The following CSMD1 variants were observed in gnomAD, a reference collection of about 807,000 sequenced individuals.
CSMD1 encodes the protein CUB and Sushi multiple domains 1.
CSMD1 carries 213 observed loss-of-function variants against 417.5 expected under a neutral mutation model. That is an observed-to-expected ratio of 0.51 (90% CI 0.46 to 0.57). CSMD1 has a LOEUF of 0.57. Among genes scored for constraint, CSMD1 ranks in the 20% least tolerant of loss-of-function variants. The probability of loss-of-function intolerance (pLI) is 0.00; values close to 1 mark genes in which losing one functional copy is unlikely to be tolerated. For missense variants in CSMD1, 6,923 were observed against 4,529.7 expected (o/e 1.53, Z -15.17); for synonymous variants, 2,862 against 1,736.8 (o/e 1.65, Z -16.11).
chr8:4,713,412 T>TTGTTG (rs2116873897), intron 1 of CSMD1, among the ~76,000 whole-genome samples: 1 of 151,662 alleles, frequency 6.6e-6, no homozygotes, highest in South Asian at 2.1e-4. Context: ...TTGTTTTGTT[T>TTGTTG]TGTTTTTGAG....
intron 3 of CSMD1, among the ~76,000 whole-genome samples, chr8:4,163,326 G>C (rs777419444): frequency 6.6e-6 from 1 of 152,124 alleles, no homozygotes. Context: ...TTCCAAAGTG[G>C]CTGTTCCATT....
intron 5 of CSMD1, among the ~76,000 whole-genome samples, chr8:3,821,040 C>T (rs1365810855): frequency 1.3e-5 from 2 of 152,008 alleles, no homozygotes; most frequent in Non-Finnish European, 2.9e-5. Context: ...CCTCAGCCTC[C>T]CCAGTAGCTG....
chr8:3,576,132 C>T (rs79358510), intron 9 of CSMD1, among the ~76,000 whole-genome samples: 3,346 of 152,140 alleles, frequency 0.022, 132 homozygotes, highest in African/African-American at 0.076. Flanking sequence ...TTCTAGCAGA[C>T]TCAGCTACAA....
At chr8:4,081,721 C>T (rs535281135) in intron 3 of CSMD1, among the ~76,000 whole-genome samples, 1 of 152,142 alleles carries the variant, frequency 6.6e-6, no homozygotes, top group Admixed American at 6.5e-5. Flanking sequence ...TTTTCTCTGA[C>T]CAAATTAGGA....
chr8:4,458,628 A>C lies in CSMD1; in HGVS notation c.303-38563T>G, dbSNP rs541377407. Among the ~76,000 whole-genome samples the C allele has an allele frequency of 5.3e-5, 8 of 152,330 alleles. No homozygotes were observed. In the South Asian group the frequency reaches 1.4e-3, roughly 28 times the overall value. The stretch of plus-strand genomic sequence containing the variant: ...AATCATCACCCACACCTCAGCAGCA[A>C]AATCAATGAGAATGTATTTTGTATT... On this transcript the variant is annotated intron_variant, in intron 2 of 69. Coordinates refer to ENST00000635120, the MANE Select transcript of CSMD1 (RefSeq NM_033225.6).
chr8:3,912,521 T>C (rs1181198804), intron 5 of CSMD1, among the ~76,000 whole-genome samples: 1 of 152,154 alleles, frequency 6.6e-6, no homozygotes, highest in Non-Finnish European at 1.5e-5. Context: ...TGGAAATACA[T>C]AACAGAGGGG....
At chr8:4,401,533 C>A (rs1023124739) in intron 3 of CSMD1, among the ~76,000 whole-genome samples, 1 of 152,160 alleles carries the variant, frequency 6.6e-6, no homozygotes, top group African/African-American at 2.4e-5. Flanking sequence ...ACCCTCCCAG[C>A]AGTAGCTCCC....
intron 5 of CSMD1, among the ~76,000 whole-genome samples, chr8:3,771,284 C>A (rs200518614): frequency 6.6e-6 from 1 of 152,092 alleles, no homozygotes; most frequent in Non-Finnish European, 1.5e-5. Context: ...CCAGAGGCTG[C>A]ACCTGCTGGT....
chr8:3,132,741 T>C (rs7825097), intron 41 of CSMD1, among the ~76,000 whole-genome samples: 7,702 of 152,286 alleles, frequency 0.051, 565 homozygotes, highest in African/African-American at 0.17. Context: ...CTATTCACCA[T>C]ATCATTCCTT....
At chr8:4,680,299 G>C (rs2724965) in intron 1 of CSMD1, among the ~76,000 whole-genome samples, 103,336 of 152,026 alleles carry the variant, frequency 0.68, 36,124 homozygotes, top group African/African-American at 0.84. Context: ...AAATTCGACC[G>C]AAAAAGTAAT....
At chr8:3,541,938 C>T (rs967837371) in intron 10 of CSMD1, among the ~76,000 whole-genome samples, 2 of 152,008 alleles carry the variant, frequency 1.3e-5, no homozygotes, top group African/African-American at 4.8e-5. Flanking sequence ...GGCTTGTACA[C>T]CCAGGAGGTG....
chr8:4,238,913 A>T (rs968972098), intron 3 of CSMD1, among the ~76,000 whole-genome samples: 9 of 152,192 alleles, frequency 5.9e-5, no homozygotes, highest in Admixed American at 2.0e-4. Flanking sequence ...GGTTAAATTT[A>T]TTAATAGTTC....
intron 6 of CSMD1, among the ~76,000 whole-genome samples, chr8:3,733,068 G>T (rs537167117): frequency 6.6e-6 from 1 of 151,500 alleles, no homozygotes; most frequent in African/African-American, 2.4e-5. Flanking sequence ...GCTGCTGATT[G>T]GTTTTATAAA....
intron 2 of CSMD1, among the ~76,000 whole-genome samples, chr8:4,469,917 G>C (rs1471232574): frequency 1.3e-5 from 2 of 151,642 alleles, no homozygotes; most frequent in South Asian, 2.1e-4. Flanking sequence ...GCCCTGGCTG[G>C]AGTGCAGTGG....
At chr8:4,193,723 T>G (rs1799171154) in intron 3 of CSMD1, among the ~76,000 whole-genome samples, 1 of 151,960 alleles carries the variant, frequency 6.6e-6, no homozygotes, top group African/African-American at 2.4e-5. Context: ...AGGAACCACG[T>G]CTCCACAGGA....
chr8:4,711,273 A>C (rs1262857057), intron 1 of CSMD1, among the ~76,000 whole-genome samples: 1 of 152,178 alleles, frequency 6.6e-6, no homozygotes, highest in Non-Finnish European at 1.5e-5. Flanking sequence ...CTTATAAAAG[A>C]GCACTTGTTT....
intron 5 of CSMD1, among the ~76,000 whole-genome samples, chr8:3,911,472 G>C (rs546261603): frequency 5.4e-4 from 81 of 150,202 alleles, no homozygotes; most frequent in African/African-American, 2.0e-3. Context: ...AGCCTGCAGT[G>C]AGCCAAGATT....
At chr8:4,825,058 G>T in intron 1 of CSMD1, among the ~76,000 whole-genome samples, 1 of 152,192 alleles carries the variant, frequency 6.6e-6, no homozygotes, top group South Asian at 2.1e-4. Flanking sequence ...CTTCTCTGCA[G>T]TTTATTCTCT....
chr8:3,440,019 G>A (rs80242542), intron 12 of CSMD1, among the ~76,000 whole-genome samples: 28 of 152,066 alleles, frequency 1.8e-4, no homozygotes, highest in Non-Finnish European at 7.3e-5. Context: ...CTCTGTGTCT[G>A]CCCTTCCACC....
Sources: gnomAD v4.1 joint callset for allele counts (sites outside exome capture counted in the v4.1 genomes callset) on GRCh38, gnomAD v4.1.1 for gene constraint, MANE v1.5 for transcripts, NCBI Gene and HGNC (gene_info 2026-07-23, HGNC 2026-07-21) for gene names.